PTPRE: variants seen among roughly 807,000 people sequenced by gnomAD.
The protein encoded by PTPRE is receptor-type tyrosine-protein phosphatase epsilon.
A neutral mutation model predicts 102.0 loss-of-function variants in PTPRE; 51 were observed. The ratio of observed to expected loss-of-function variants is 0.50; its 90% confidence interval spans 0.40 to 0.63. The LOEUF is 0.63. Among genes scored for constraint, PTPRE ranks in the 30% least tolerant of loss-of-function variants. PTPRE has a pLI of 0.00. For missense variants in PTPRE, 752 were observed against 915.1 expected (o/e 0.82, Z 2.30); for synonymous variants, 345 against 348.2 (o/e 0.99, Z 0.10).
chr10:127,994,957 C>T (rs1853100832), intron 2 of PTPRE, among the ~76,000 whole-genome samples: 1 of 152,186 alleles, frequency 6.6e-6, no homozygotes, highest in Non-Finnish European at 1.5e-5. Context: ...TAGCATTGAA[C>T]TTCTGTGTCT....
intron 1 of PTPRE, among the ~76,000 whole-genome samples, chr10:127,915,536 C>A (rs187125678): frequency 6.6e-6 from 1 of 152,208 alleles, no homozygotes. Context: ...AAAGTTCAGT[C>A]ATCTACTGGA....
intron 1 of PTPRE, among the ~76,000 whole-genome samples, chr10:127,921,105 T>C (rs1371846198): frequency 1.3e-5 from 2 of 152,230 alleles, no homozygotes; most frequent in Non-Finnish European, 2.9e-5. Context: ...GCAAGTGTCC[T>C]ATTTTCAGTG....
intron 1 of PTPRE, among the ~76,000 whole-genome samples, chr10:127,968,079 C>T (rs180836532): frequency 4.7e-4 from 70 of 149,890 alleles, no homozygotes; most frequent in Middle Eastern, 6.8e-3. Flanking sequence ...TTGTCTTAGC[C>T]GTCAGCCCTC....
intron 3 of PTPRE, among the ~76,000 whole-genome samples, chr10:128,044,857 A>G (rs1018895197): frequency 6.6e-6 from 1 of 152,280 alleles, no homozygotes; most frequent in South Asian, 2.1e-4. Flanking sequence ...TTTAAAAAAA[A>G]TGTTTTTAAA....
At chr10:127,930,292 C>T (rs1416774138) in intron 1 of PTPRE, among the ~76,000 whole-genome samples, 1 of 152,044 alleles carries the variant, frequency 6.6e-6, no homozygotes, top group South Asian at 2.1e-4. Context: ...ACCCTGTAAC[C>T]CCACCCCTAC....
chr10:128,058,456 G>A (rs897801349), intron 7 of PTPRE, among the ~76,000 whole-genome samples: 8 of 152,198 alleles, frequency 5.3e-5, no homozygotes, highest in African/African-American at 1.9e-4. Flanking sequence ...ACCACACCAT[G>A]GGAACCCCAG....
chr10:127,934,445 G>A (rs1230528558), intron 1 of PTPRE: 1 of 152,176 alleles, frequency 6.6e-6, no homozygotes, highest in African/African-American at 2.4e-5. Flanking sequence ...ATTGAGCTGG[G>A]CTACCTCTCT....
chr10:128,032,594 G>C (rs1846861522), intron 2 of PTPRE, among the ~76,000 whole-genome samples: 1 of 152,342 alleles, frequency 6.6e-6, no homozygotes, highest in Non-Finnish European at 1.5e-5. Context: ...TTGGAGAAGA[G>C]TGGGTTAGAA....
chr10:128,009,584 T>C (rs1844805581), intron 2 of PTPRE, among the ~76,000 whole-genome samples: 1 of 152,232 alleles, frequency 6.6e-6, no homozygotes, highest in East Asian at 1.9e-4. Flanking sequence ...CCTGTTTTAC[T>C]CTGAGCCGGA....
intron 1 of PTPRE, among the ~76,000 whole-genome samples, chr10:127,948,705 T>C (rs902108160): frequency 6.6e-6 from 1 of 152,242 alleles, no homozygotes; most frequent in African/African-American, 2.4e-5. Context: ...CTTTTAGCGC[T>C]GAATAGCATT....
At chr10:127,954,636 T>G (rs951705106) in intron 1 of PTPRE, among the ~76,000 whole-genome samples, 1 of 152,140 alleles carries the variant, frequency 6.6e-6, no homozygotes, top group African/African-American at 2.4e-5. Flanking sequence ...GAAATGGCCT[T>G]TTGAAGTCAC....
chr10:127,993,994 T>A lies in PTPRE; in HGVS notation c.-8+11698T>A, dbSNP rs193218314. Among the ~76,000 whole-genome samples the A allele has an allele frequency of 1.1e-4, 16 of 152,204 alleles. No homozygotes were observed. The Middle Eastern group carries it at 0.014, about 129-fold the overall frequency. ...GAGCAGAAGGTGGGCCAGGTGTGAG[T>A]TGAGGGGTCATACCCCGGCACATGT... On this transcript the variant is annotated intron_variant, in intron 2 of 20. Transcript: ENST00000254667.
chr10:127,941,857 C>A (rs758095972), intron 1 of PTPRE, among the ~76,000 whole-genome samples: 45 of 152,050 alleles, frequency 3.0e-4, no homozygotes, highest in Non-Finnish European at 4.1e-4. Flanking sequence ...GAATCCCTCA[C>A]TCTGATTTGC....
intron 1 of PTPRE, among the ~76,000 whole-genome samples, chr10:127,961,627 G>A (rs1006196186): frequency 6.8e-6 from 1 of 147,388 alleles, no homozygotes; most frequent in African/African-American, 2.5e-5. Context: ...CTGTGCATAA[G>A]CGCTCCACCC....
At chr10:128,051,326 C>G (rs918356970) in intron 6 of PTPRE, among the ~76,000 whole-genome samples, 2 of 152,186 alleles carry the variant, frequency 1.3e-5, no homozygotes, top group Non-Finnish European at 2.9e-5. Flanking sequence ...GCACCAAAAG[C>G]TCAGCAGTGG....
chr10:128,074,680 A>AC (rs1491044355), intron 17 of PTPRE, among the ~76,000 whole-genome samples: 1 of 149,496 alleles, frequency 6.7e-6, no homozygotes, highest in Non-Finnish European at 1.5e-5. Flanking sequence ...AAAAAAAAAA[A>AC]AGTTTCTTGA....
chr10:128,014,043 A>T (rs912300520), intron 2 of PTPRE, among the ~76,000 whole-genome samples: 10 of 152,102 alleles, frequency 6.6e-5, no homozygotes, highest in Non-Finnish European at 1.3e-4. Flanking sequence ...CCTCAGGCCA[A>T]ATTGCCTGTC....
chr10:128,059,626 G>A (rs1489101578), intron 7 of PTPRE, among the ~76,000 whole-genome samples: 1 of 152,190 alleles, frequency 6.6e-6, no homozygotes, highest in Non-Finnish European at 1.5e-5. Context: ...TCTGTGCCCA[G>A]TGCAGCATAA....
chr10:128,052,022 C>G (rs1204398388), intron 6 of PTPRE, among the ~76,000 whole-genome samples: 4 of 152,114 alleles, frequency 2.6e-5, no homozygotes, highest in Admixed American at 2.6e-4. Flanking sequence ...GCCACCATGC[C>G]CACTGGCTTT....
Sources: gnomAD v4.1 joint callset for allele counts (sites outside exome capture counted in the v4.1 genomes callset) on GRCh38, gnomAD v4.1.1 for gene constraint, MANE v1.5 for transcripts, NCBI Gene and HGNC (gene_info 2026-07-23, HGNC 2026-07-21) for gene names.